Variants in EFCAB6 observed in about 807,000 individuals in gnomAD.
EFCAB6 encodes EF-hand calcium binding domain 6.
In EFCAB6, 156 loss-of-function variants were observed where a neutral mutation model predicts 169.8. That is an observed-to-expected ratio of 0.92 (90% CI 0.81 to 1.05). The LOEUF (loss-of-function observed/expected upper bound fraction) is 1.05, where lower values mean the gene tolerates loss of function less well. Ranked by LOEUF, EFCAB6 falls within the 50% of genes least tolerant of loss-of-function variation. EFCAB6 has a pLI of 0.00. For synonymous variants in EFCAB6, 698 were observed against 676.4 expected (o/e 1.03, Z -0.50); for missense variants, 1,800 against 1,829.1 (o/e 0.98, Z 0.29).
chr22:43,541,864 C>T (rs1407650868), intron 27 of EFCAB6, among the ~76,000 whole-genome samples: 1 of 152,240 alleles, frequency 6.6e-6, no homozygotes, highest in Non-Finnish European at 1.5e-5. Flanking sequence ...CTTTAAGTGT[C>T]AAACATCTGG....
intron 10 of EFCAB6, among the ~76,000 whole-genome samples, chr22:43,692,358 A>C (rs1432020671): frequency 6.6e-6 from 1 of 152,252 alleles, no homozygotes; most frequent in Non-Finnish European, 1.5e-5. Context: ...AATATAGCAC[A>C]TAAGAACAAC....
intron 26 of EFCAB6, among the ~76,000 whole-genome samples, chr22:43,571,641 C>T (rs972071918): frequency 6.6e-6 from 1 of 152,142 alleles, no homozygotes; most frequent in Admixed American, 6.5e-5. Context: ...GAGTCCTCAG[C>T]GATTCTTCTT....
intron 20 of EFCAB6, among the ~76,000 whole-genome samples, chr22:43,621,564 G>A (rs1484064882): frequency 1.3e-5 from 2 of 151,880 alleles, no homozygotes; most frequent in African/African-American, 2.4e-5. Context: ...AGTGCCTACG[G>A]GGAAATACAT....
chr22:43,712,040 G>A (rs1242233584), intron 9 of EFCAB6, among the ~76,000 whole-genome samples: 1 of 152,108 alleles, frequency 6.6e-6, no homozygotes, highest in African/African-American at 2.4e-5. Flanking sequence ...AAAAATAGAA[G>A]TAGCTTTTAC....
Position 43,572,435 on chromosome 22 carries a change from G to A in EFCAB6, c.3420+3862C>T, listed in dbSNP as rs1269099849. ...TTCTCCACTTGCAGGTCCTTTAGGG[G>A]TATCTTGCTATAGCTCCTGAGCAGC... is the stretch of plus-strand genomic sequence containing the variant. On this transcript the variant is annotated intron_variant, in intron 26 of 31. Coordinates refer to ENST00000262726, the MANE Select transcript of EFCAB6 (RefSeq NM_022785.4). This position sits in a 1 kb window ranked among gnomAD's most constrained non-coding sequence, Gnocchi z 4.0. 6.6e-6 allele frequency among the ~76,000 whole-genome samples: 1 copy of A among 152,142 alleles called. No individual in the cohort carries two copies. Among genetic ancestry groups the A allele is most frequent in the East Asian group, 1.9e-4 (1 of 5,184 alleles).
intron 14 of EFCAB6, 46 bp downstream of exon 14, chr22:43,672,200 A>C: frequency 1.2e-6 from 2 of 1,613,958 alleles, no homozygotes; most frequent in Non-Finnish European, 1.7e-6. Flanking sequence ...AGTAACCTCA[A>C]ACCATATAGG....
chr22:43,644,565 C>A (rs956253685), intron 17 of EFCAB6, among the ~76,000 whole-genome samples: 23 of 152,220 alleles, frequency 1.5e-4, no homozygotes, highest in African/African-American at 5.5e-4. Context: ...CAAAAACAAT[C>A]CTTCCTCCAA....
At position 43,557,376 on chromosome 22, in the gene EFCAB6, C is replaced by T. The variant is rs189815636; in HGVS notation, c.3421-2280G>A. ...CAACCTTAGGTTAATATGCTCTAAA[C>T]TTCAGACGAAATTGAACAGTTTTCT... On this transcript the variant is annotated intron_variant, in intron 26 of 31. Transcript: ENST00000262726. Among the ~76,000 whole-genome samples, 516 of 152,306 alleles carry T rather than the reference C, an allele frequency of 3.4e-3. 2 individuals carry two copies. The highest frequency in any genetic ancestry group is 6.8e-3 in the Middle Eastern group (2 of 294).
chr22:43,537,097 G>A lies in EFCAB6; in HGVS notation c.4048+280C>T, dbSNP rs1033558378. 1 of 316,282 alleles carries A rather than the reference G, an allele frequency of 3.2e-6. No individual in the cohort carries two copies. The highest frequency in any genetic ancestry group is 2.1e-5 in the African/African-American group (1 of 47,470). The allele number at this position is 316,282 out of a possible 1,614,324, so 19.6% of individuals were successfully genotyped here. On this transcript the variant is annotated intron_variant, in intron 29 of 31. Coordinates refer to ENST00000262726, the MANE Select transcript of EFCAB6 (RefSeq NM_022785.4). This position sits in a 1 kb window ranked among gnomAD's most constrained non-coding sequence, Gnocchi z 4.3. ...CAGAGTCTGTGAACATTCACACTCTGCCCAGGGTGGCAACCACTGTGATTT... is the reference window on the plus strand; with the variant it reads ...CAGAGTCTGTGAACATTCACACTCTACCCAGGGTGGCAACCACTGTGATTT...
At chr22:43,633,870 C>T (rs1292156280) in intron 18 of EFCAB6, among the ~76,000 whole-genome samples, 1 of 152,204 alleles carries the variant, frequency 6.6e-6, no homozygotes, top group Admixed American at 6.5e-5. Flanking sequence ...AGATAAACAC[C>T]CCCACCCCAC....
chr22:43,788,212 A>G (rs1173941552), intron 2 of EFCAB6, among the ~76,000 whole-genome samples: 1 of 152,224 alleles, frequency 6.6e-6, no homozygotes, highest in Non-Finnish European at 1.5e-5. Context: ...ACAGGCAACT[A>G]AAGAAGAAGT....
At chr22:43,808,220 T>G (rs1254303844) in intron 2 of EFCAB6, among the ~76,000 whole-genome samples, 3 of 152,198 alleles carry the variant, frequency 2.0e-5, no homozygotes, top group African/African-American at 7.2e-5. Context: ...TAGAGATAAT[T>G]TAAAGCATAT....
chr22:43,756,114 G>A (rs1371722699), intron 5 of EFCAB6, among the ~76,000 whole-genome samples: 1 of 152,124 alleles, frequency 6.6e-6, no homozygotes, highest in East Asian at 1.9e-4. Context: ...GACTTTCTGT[G>A]TCCCAAGCCT....
chr22:43,541,302 C>G (rs552802628), intron 27 of EFCAB6, among the ~76,000 whole-genome samples: 1 of 152,298 alleles, frequency 6.6e-6, no homozygotes, highest in African/African-American at 2.4e-5. Context: ...TCAGAAGAAG[C>G]AGGGAGAGGT....
chr22:43,674,696 A>C (rs2147008005), intron 13 of EFCAB6, among the ~76,000 whole-genome samples: 1 of 152,344 alleles, frequency 6.6e-6, no homozygotes, highest in East Asian at 1.9e-4. Context: ...TTTTAAAGAA[A>C]ACGGATTCTT....
chr22:43,738,169 C>T (rs1022133004), intron 6 of EFCAB6, among the ~76,000 whole-genome samples: 3 of 151,370 alleles, frequency 2.0e-5, no homozygotes, highest in Non-Finnish European at 4.4e-5. Context: ...ATCACTCACA[C>T]ACATATATGC....
chr22:43,625,596 C>G (rs2054450256), intron 20 of EFCAB6, among the ~76,000 whole-genome samples: 1 of 152,198 alleles, frequency 6.6e-6, no homozygotes, highest in Admixed American at 6.5e-5. Flanking sequence ...TGAGCCGGAG[C>G]TCAGCTGGAC....
intron 2 of EFCAB6, among the ~76,000 whole-genome samples, chr22:43,800,779 CAG>C (rs2062681197): frequency 6.6e-6 from 1 of 151,552 alleles, no homozygotes; most frequent in African/African-American, 2.4e-5. Context: ...AAAACACACT[CAG>C]AGGAGAAAAA....
intron 13 of EFCAB6, among the ~76,000 whole-genome samples, chr22:43,674,296 T>C (rs1355632852): frequency 7.9e-5 from 12 of 152,196 alleles, no homozygotes; most frequent in Admixed American, 7.9e-4. Context: ...ATTCAATAGA[T>C]TGTGTGAGTG....
Sources: gnomAD v4.1 joint callset for allele counts (sites outside exome capture counted in the v4.1 genomes callset) on GRCh38, gnomAD v4.1.1 for gene constraint, Gnocchi (gnomAD v3.1) non-coding constraint, MANE v1.5 for transcripts, NCBI Gene and HGNC (gene_info 2026-07-23, HGNC 2026-07-21) for gene names.